Variants in SCAMP4 observed in about 807,000 individuals in gnomAD.
The protein encoded by SCAMP4 is secretory carrier-associated membrane protein 4.
Under a neutral mutation model 32.1 loss-of-function variants are expected in SCAMP4, and 19 were observed. The ratio of observed to expected loss-of-function variants is 0.59; its 90% CI spans 0.41 to 0.87. SCAMP4 has a LOEUF of 0.87. Ranked by LOEUF, SCAMP4 falls within the 40% of genes least tolerant of loss-of-function variation. The probability of loss-of-function intolerance (pLI) is 0.00; values close to 1 mark genes in which losing one functional copy is unlikely to be tolerated. For synonymous variants in SCAMP4, 152 were observed against 132.7 expected, an observed-to-expected ratio of 1.15 and a Z score of -1.00; for missense variants, 302 against 309.0, an observed-to-expected ratio of 0.98 and a Z score of 0.17.
chr19:1,923,682 G>T (rs373869796), intron 6 of SCAMP4, among the ~76,000 whole-genome samples: 2 of 141,992 alleles, frequency 1.4e-5, no homozygotes, highest in Non-Finnish European at 3.0e-5. Context: ...GTAGTGGTGC[G>T]ATCTCTGCTC....
In SCAMP4 at chr19:1,917,858, AG is replaced by A. The variant is rs879242537; in HGVS notation, c.136+38del. 3.1e-6 allele frequency: 5 copies of A among 1,611,566 alleles called. No individual in the cohort carries two copies. The South Asian group carries it at 4.4e-5, about 14-fold the overall frequency. On this transcript the variant is annotated intron_variant, in intron 3 of 6. Transcript: ENST00000316097. ...CTGGGGGCAGGAGGCGGGAAGCGGG[AG>A]GCAGGGCTCCCCGAGGGAGGGAGTG... is the stretch of plus-strand genomic sequence containing the variant.
intron 1 of SCAMP4, chr19:1,912,792 G>A (rs1223047145): frequency 3.8e-6 from 6 of 1,571,810 alleles, no homozygotes; most frequent in African/African-American, 2.7e-5. Flanking sequence ...GGACCTCGTG[G>A]CGCGCGGCCA....
intron 3 of SCAMP4, 133 bp downstream of exon 3, chr19:1,917,955 C>CGGTGAACGAGGCTGGTGTCCAGGCCCCA: frequency 1.5e-6 from 2 of 1,370,024 alleles, no homozygotes; most frequent in Non-Finnish European, 2.0e-6. Flanking sequence ...GTGGTCCCTG[C>CGGTGAACGAGGCTGGTGTCCAGGCCCCA]GGTGAACGAG....
rs1430062180 is a variant in SCAMP4 at position 1,918,146 on chromosome 19, C to T, written c.156C>T (p.Gly52=). The change falls in exon 4 of 7, where the codon GGC becomes GGT. Residue 52 remains glycine (G), a synonymous_variant. Coordinates refer to ENST00000316097, the MANE Select transcript of SCAMP4 (RefSeq NM_079834.4). ...RLWMFYCATL[G]VNLIACLAWW... ...TCGCAGTTTACTGCGCCACCCTCGG[C>T]GTCAACCTCATTGCCTGCCTGGCCT... 10 of 1,612,482 alleles carry T rather than the reference C, an allele frequency of 6.2e-6. No homozygotes were observed. The highest frequency in any genetic ancestry group is 5.5e-5 in the South Asian group (5 of 91,032).
rs1468988442 is a variant in SCAMP4, at chr19:1,924,198, GA to G, written c.605del (p.Glu202GlyfsTer205). On this transcript the variant is annotated frameshift_variant, in exon 7 of 7. Transcript: ENST00000316097. LOFTEE classifies it high-confidence loss of function. The part of the protein sequence containing the change: ...TGTWRNPPSR[E>X]AQYNNFSGNS... ...CACTTGGCGGAACCCACCGTCGAGGGAGGCCCAGTACAACAACTTCTCAGGC... is the reference window on the plus strand; with the variant it reads ...CACTTGGCGGAACCCACCGTCGAGGGGGCCCAGTACAACAACTTCTCAGGC... 1.2e-6 allele frequency: 2 copies of G among 1,610,220 alleles called. No homozygotes were observed. The highest frequency in any genetic ancestry group is 1.7e-6 in the Non-Finnish European group (2 of 1,178,350).
chr19:1,922,557 C>T (rs2013953179), intron 5 of SCAMP4: 1 of 985,466 alleles, frequency 1.0e-6, no homozygotes, highest in Non-Finnish European at 1.2e-6. Flanking sequence ...CTAATGGTCC[C>T]TCAGTGCCCA....
At chr19:1,915,520 GT>G (rs1341175426) in intron 2 of SCAMP4, 7 of 182,120 alleles carry the variant, frequency 3.8e-5, no homozygotes, top group African/African-American at 1.7e-4. Context: ...CAAAGGCTGT[GT>G]TCCCATCTTG....
chr19:1,912,835 C>T (rs775059049), intron 1 of SCAMP4: 10 of 1,593,308 alleles, frequency 6.3e-6, no homozygotes, highest in South Asian at 4.4e-5. Flanking sequence ...AGACCCTTCC[C>T]CGCCTGCTCC....
intron 5 of SCAMP4, chr19:1,921,030 A>G: frequency 3.0e-6 from 3 of 985,418 alleles, no homozygotes; most frequent in Non-Finnish European, 3.6e-6. Context: ...TTGAGAAAGA[A>G]ACCCAGCGGG....
chr19:1,920,274 G>C (rs1345002259), intron 5 of SCAMP4: 2 of 985,238 alleles, frequency 2.0e-6, no homozygotes, highest in Non-Finnish European at 2.4e-6. Flanking sequence ...GGGTGCCTTT[G>C]GTTTCCTGGG....
At chr19:1,912,336 A>G (rs1384531586) in intron 1 of SCAMP4, 1 of 1,536,388 alleles carries the variant, frequency 6.5e-7, no homozygotes, top group East Asian at 2.6e-5. Context: ...GGTGCGGCCC[A>G]GCCGCGATGC....
intron 6 of SCAMP4, 55 bp from the exon 7 acceptor site, chr19:1,924,053 C>T: frequency 6.6e-7 from 1 of 1,521,270 alleles, no homozygotes. Flanking sequence ...AGTCCCCGTG[C>T]CCGGCCGCCA....
chr19:1,922,153 G>C (rs1456615210), intron 5 of SCAMP4: 1 of 985,332 alleles, frequency 1.0e-6, no homozygotes, highest in Non-Finnish European at 1.2e-6. Flanking sequence ...TCTGCCTCCT[G>C]GGTCTCAAAG....
At chr19:1,922,610 C>T (rs371967928) in intron 5 of SCAMP4, 9 of 985,582 alleles carry the variant, frequency 9.1e-6, no homozygotes, top group East Asian at 2.3e-4. Flanking sequence ...TGCTCCCGGA[C>T]ATGCGGATGT....
In SCAMP4 at chr19:1,914,965, T is replaced by G. The variant is rs1442632009; in HGVS notation, c.-41-14T>G. 6.2e-7 allele frequency: 1 copy of G among 1,612,746 alleles called. No homozygotes were observed. The highest frequency in any genetic ancestry group is 1.7e-4 in the Middle Eastern group (1 of 6,056). ...CAGCTCAGGGTTCCCTGACTGTGGT[T>G]GTCTTCCTTCCAGGCGGCTGCAGGC... On this transcript the variant is annotated splice_polypyrimidine_tract_variant and intron_variant, in intron 1 of 6. Coordinates refer to ENST00000316097, the MANE Select transcript of SCAMP4 (RefSeq NM_079834.4).
chr19:1,914,878 C>T, intron 1 of SCAMP4, 101 bp from the exon 2 acceptor site: 1 of 957,312 alleles, frequency 1.0e-6, no homozygotes, highest in South Asian at 1.3e-5. Context: ...GTTTCCAGAG[C>T]ACAGGGCACG....
At chr19:1,917,957 G>A in intron 3 of SCAMP4, 135 bp downstream of exon 3, 1 of 1,380,412 alleles carries the variant, frequency 7.2e-7, no homozygotes. Context: ...GGTCCCTGCG[G>A]TGAACGAGGC....
At position 1,922,626 on chromosome 19, in the gene SCAMP4, T is replaced by TCAG. The variant is rs201597923; in HGVS notation, c.396-440_396-438dup. On this transcript the variant is annotated intron_variant, in intron 5 of 6. Coordinates refer to ENST00000316097, the MANE Select transcript of SCAMP4 (RefSeq NM_079834.4). ...GCTCCCGGACATGCGGATGTAGGTT[T>TCAG]CAGCAGTTCCCATCATTAGACACAG... is the stretch of plus-strand genomic sequence containing the variant. 803 of 986,016 alleles carry TCAG rather than the reference T, an allele frequency of 8.1e-4. 26 individuals are homozygous for TCAG. The Admixed American group carries it at 0.042, about 52-fold the overall frequency. The allele number at this position is 986,016 out of a possible 1,614,324, so 61.1% of individuals were successfully genotyped here.
chr19:1,911,545 T>C (rs2013447839), intron 1 of SCAMP4, among the ~76,000 whole-genome samples: 1 of 152,126 alleles, frequency 6.6e-6, no homozygotes, highest in African/African-American at 2.4e-5. Flanking sequence ...CACCACCAGG[T>C]TGAAGCGGGT....
Sources: gnomAD v4.1 joint callset for allele counts (sites outside exome capture counted in the v4.1 genomes callset) on GRCh38, gnomAD v4.1.1 for gene constraint, MANE v1.5 for transcripts, NCBI Gene and HGNC (gene_info 2026-07-23, HGNC 2026-07-21) for gene names.